Variants in ZNF385D observed in about 807,000 individuals in gnomAD.
The protein encoded by ZNF385D is zinc finger protein 659.
ZNF385D carries 15 observed loss-of-function variants against 35.8 expected under a neutral mutation model. The ratio of observed to expected loss-of-function variants is 0.42; its 90% CI spans 0.28 to 0.64. The LOEUF is 0.64. Ranked by LOEUF, ZNF385D falls within the 30% of genes least tolerant of loss-of-function variation. The probability of loss-of-function intolerance (pLI) is 0.23; values close to 1 mark genes in which losing one functional copy is unlikely to be tolerated. For missense variants in ZNF385D, 474 were observed against 494.6 expected (o/e 0.96, Z 0.39); for synonymous variants, 212 against 186.8 (o/e 1.13, Z -1.10).
intron 3 of ZNF385D, among the ~76,000 whole-genome samples, chr3:21,866,251 G>C (rs1697353550): frequency 6.6e-6 from 1 of 152,000 alleles, no homozygotes; most frequent in Non-Finnish European, 1.5e-5. Context: ...TCAGGAGTTC[G>C]AGACCATTCT....
intron 3 of ZNF385D, among the ~76,000 whole-genome samples, chr3:22,004,079 A>G (rs1340816278): frequency 6.6e-6 from 1 of 152,128 alleles, no homozygotes; most frequent in Non-Finnish European, 1.5e-5. Context: ...AGAATATATA[A>G]CCAAAGGAAC....
intron 3 of ZNF385D, among the ~76,000 whole-genome samples, chr3:21,866,497 T>C (rs764551884): frequency 3.9e-5 from 6 of 152,168 alleles, no homozygotes; most frequent in South Asian, 2.1e-4. Flanking sequence ...GGCACCGCTA[T>C]TGATCTACGG....
intron 3 of ZNF385D, among the ~76,000 whole-genome samples, chr3:21,855,287 G>A (rs1014187665): frequency 1.3e-5 from 2 of 151,682 alleles, no homozygotes; most frequent in South Asian, 2.1e-4. Flanking sequence ...TTTACTCTTC[G>A]GCATCCCAAA....
chr3:21,431,985 TAATC>T (rs1701311372), intron 5 of ZNF385D, among the ~76,000 whole-genome samples: 1 of 152,158 alleles, frequency 6.6e-6, no homozygotes, highest in Non-Finnish European at 1.5e-5. Flanking sequence ...ACATAGTAGA[TAATC>T]AAGGAAAATT....
chr3:21,670,905 G>T (rs1394860089), intron 1 of ZNF385D, among the ~76,000 whole-genome samples: 1 of 151,892 alleles, frequency 6.6e-6, no homozygotes, highest in Non-Finnish European at 1.5e-5. Flanking sequence ...CATTCCTTGT[G>T]GGTAAGAGAC....
intron 2 of ZNF385D, among the ~76,000 whole-genome samples, chr3:22,248,035 AC>A (rs1389865243): frequency 6.6e-6 from 1 of 152,214 alleles, no homozygotes; most frequent in Non-Finnish European, 1.5e-5. Flanking sequence ...ATTTAAGTCA[AC>A]AAAACAATGA....
At chr3:21,936,723 T>C (rs1027388178) in intron 3 of ZNF385D, among the ~76,000 whole-genome samples, 1 of 152,100 alleles carries the variant, frequency 6.6e-6, no homozygotes, top group Non-Finnish European at 1.5e-5. Context: ...ATGATTCAAG[T>C]TTCTTGTCCT....
intron 3 of ZNF385D, among the ~76,000 whole-genome samples, chr3:22,000,594 T>A (rs1384658787): frequency 6.7e-6 from 1 of 149,472 alleles, no homozygotes; most frequent in South Asian, 2.2e-4. Context: ...TTAATAAACT[T>A]CCTTTCACTT....
chr3:21,680,525 G>T (rs1241665288), intron 1 of ZNF385D, among the ~76,000 whole-genome samples: 1 of 152,118 alleles, frequency 6.6e-6, no homozygotes, highest in African/African-American at 2.4e-5. Context: ...TCAAGAGTTT[G>T]CAACCCACTT....
intron 3 of ZNF385D, among the ~76,000 whole-genome samples, chr3:21,816,582 C>G (rs527452479): frequency 2.4e-4 from 36 of 152,208 alleles, no homozygotes; most frequent in African/African-American, 8.4e-4. Context: ...CTCCCATTCA[C>G]AATTGCTTCA....
At chr3:22,061,451 C>G (rs1699681827) in intron 3 of ZNF385D, among the ~76,000 whole-genome samples, 1 of 152,154 alleles carries the variant, frequency 6.6e-6, no homozygotes. Flanking sequence ...ACGTTTACCC[C>G]ACAGAGTTTA....
chr3:21,977,885 C>T (rs765830784), intron 3 of ZNF385D, among the ~76,000 whole-genome samples: 2 of 152,026 alleles, frequency 1.3e-5, no homozygotes, highest in Non-Finnish European at 2.9e-5. Context: ...TAGCTCTGTA[C>T]ATCTTTGGAG....
intron 3 of ZNF385D, among the ~76,000 whole-genome samples, chr3:21,841,049 G>A (rs1232641523): frequency 6.6e-6 from 1 of 151,992 alleles, no homozygotes; most frequent in South Asian, 2.1e-4. Flanking sequence ...TAGACATACA[G>A]ATGGTAAGAG....
At chr3:21,621,586 T>C (rs1001232293) in intron 2 of ZNF385D, among the ~76,000 whole-genome samples, 1 of 148,822 alleles carries the variant, frequency 6.7e-6, no homozygotes, top group South Asian at 2.1e-4. Context: ...TGTGTGTGTG[T>C]GCAGTGTAGT....
At chr3:21,761,739 C>T (rs1263094403) in intron 3 of ZNF385D, among the ~76,000 whole-genome samples, 1 of 130,746 alleles carries the variant, frequency 7.6e-6, no homozygotes, top group Non-Finnish European at 1.6e-5. Flanking sequence ...AATGCAGATC[C>T]AATTTTCTCA....
chr3:22,289,043 G>A (rs1439348696), intron 2 of ZNF385D, among the ~76,000 whole-genome samples: 2 of 152,154 alleles, frequency 1.3e-5, no homozygotes, highest in Non-Finnish European at 2.9e-5. Context: ...AAAGGTTGGG[G>A]TGTTAGATGT....
intron 2 of ZNF385D, among the ~76,000 whole-genome samples, chr3:22,179,296 T>C (rs1458064988): frequency 6.6e-6 from 1 of 152,188 alleles, no homozygotes; most frequent in Non-Finnish European, 1.5e-5. Context: ...GAAGAGGTCC[T>C]TCACATCCCT....
At chr3:21,638,789 C>T (rs945521773) in intron 2 of ZNF385D, among the ~76,000 whole-genome samples, 3 of 152,072 alleles carry the variant, frequency 2.0e-5, no homozygotes, top group Admixed American at 6.6e-5. Flanking sequence ...TTGTAATACT[C>T]AGGTTTCTGG....
In ZNF385D at chr3:22,107,026, G is replaced by GTTTTTTTTTTTTTTTTTTT. The variant is rs10676871; in HGVS notation, c.325+61790_325+61791insAAAAAAAAAAAAAAAAAAA. On this transcript the variant is annotated intron_variant, in intron 3 of 5. Transcript: ENST00000494108. ...TTTATGCAAAAACTTTGGAATGAGA[G>GTTTTTTTTTTTTTTTTTTT]TTTTTTTTTTTTTTTTAGACAGAGT... Among the ~76,000 whole-genome samples, 86 of 118,814 alleles carry GTTTTTTTTTTTTTTTTTTT rather than the reference G, an allele frequency of 7.2e-4. 5 individuals are homozygous for GTTTTTTTTTTTTTTTTTTT. Among genetic ancestry groups the GTTTTTTTTTTTTTTTTTTT allele is most frequent in the South Asian group, 8.7e-4 (3 of 3,446 alleles). 77.9% of individuals were successfully genotyped at this position (118,814 alleles called of 152,430 possible).
Sources: gnomAD v4.1 joint callset for allele counts (sites outside exome capture counted in the v4.1 genomes callset) on GRCh38, gnomAD v4.1.1 for gene constraint, MANE v1.5 for transcripts, NCBI Gene and HGNC (gene_info 2026-07-23, HGNC 2026-07-21) for gene names.